Variants in SLC38A6 observed in about 807,000 individuals in gnomAD.
SLC38A6 encodes N system amino acid transporter NAT-1.
SLC38A6 carries 73 observed loss-of-function variants against 65.0 expected under a neutral mutation model. That is an observed-to-expected ratio of 1.12 (90% CI 0.93 to 1.37). The LOEUF (loss-of-function observed/expected upper bound fraction) is 1.37, where lower values mean the gene tolerates loss of function less well. SLC38A6 is among the 40% of genes most tolerant of loss of function. The pLI, the probability that SLC38A6 is intolerant of heterozygous loss-of-function variation, is 0.00. For synonymous variants in SLC38A6, 183 were observed against 178.8 expected, an observed-to-expected ratio of 1.02 and a Z score of -0.19; for missense variants, 561 against 531.1, an observed-to-expected ratio of 1.06 and a Z score of -0.55.
chr14:60,997,894 G>A (rs1443678148), intron 3 of SLC38A6, among the ~76,000 whole-genome samples: 1 of 152,084 alleles, frequency 6.6e-6, no homozygotes, highest in Non-Finnish European at 1.5e-5. Flanking sequence ...AATGAGTTCA[G>A]TTTTAGACTT....
intron 15 of SLC38A6, among the ~76,000 whole-genome samples, chr14:61,072,324 C>T (rs1053819129): frequency 2.0e-5 from 3 of 152,086 alleles, no homozygotes; most frequent in African/African-American, 4.8e-5. Context: ...GTGAAACAGT[C>T]ACACCATGGA....
intron 3 of SLC38A6, chr14:60,987,162 G>A: frequency 8.3e-6 from 2 of 240,452 alleles, no homozygotes; most frequent in Non-Finnish European, 8.1e-6. Flanking sequence ...GTGGAGGTAG[G>A]CTTTTCCTTT....
chr14:61,037,107 C>G lies in SLC38A6; in HGVS notation c.531C>G (p.Gly177=), dbSNP rs2041446665. 1 of 1,608,436 alleles carries G rather than the reference C, an allele frequency of 6.2e-7. No homozygotes were observed. Among genetic ancestry groups the G allele is most frequent in the African/African-American group, 1.3e-5 (1 of 74,762 alleles). ...CACTACTAATAATCATATGTGTTGG[C>G]ATTGTGTTCCCTCTTGCACTTCTTC... ...GQTLLIIICV[G]IVFPLALLPK... Residue 177 remains glycine, a synonymous_variant, in exon 7 of 16, where the codon GGC becomes GGG. Coordinates refer to ENST00000267488, the MANE Select transcript of SLC38A6 (RefSeq NM_153811.3).
chr14:61,079,872 A>T (rs759707374), intron 16 of SLC38A6, among the ~76,000 whole-genome samples: 7 of 152,136 alleles, frequency 4.6e-5, no homozygotes, highest in Non-Finnish European at 1.0e-4. Flanking sequence ...ATCCTGTGGG[A>T]TCCATGGAAT....
chr14:61,027,692 G>A (rs759903851), intron 5 of SLC38A6, among the ~76,000 whole-genome samples: 2 of 151,714 alleles, frequency 1.3e-5, no homozygotes, highest in Non-Finnish European at 2.9e-5. Flanking sequence ...TGTGTATTTG[G>A]TAATCTTTTT....
At chr14:61,027,427 C>T (rs2040669308) in intron 5 of SLC38A6, among the ~76,000 whole-genome samples, 1 of 151,980 alleles carries the variant, frequency 6.6e-6, no homozygotes, top group Non-Finnish European at 1.5e-5. Flanking sequence ...GTCCATGTCA[C>T]CCAAAATCAT....
intron 3 of SLC38A6, among the ~76,000 whole-genome samples, chr14:60,999,127 C>A (rs1055306794): frequency 6.6e-6 from 1 of 152,174 alleles, no homozygotes. Flanking sequence ...AGTCTCAGAT[C>A]CCAAGGAATT....
chr14:61,051,879 C>G lies in SLC38A6; in HGVS notation c.1143C>G (p.Ile381Met), dbSNP rs754662976. 1 of 1,611,940 alleles carries G rather than the reference C, an allele frequency of 6.2e-7. No individual in the cohort carries two copies. Among genetic ancestry groups the G allele is most frequent in the Non-Finnish European group, 8.5e-7 (1 of 1,179,194 alleles). ...FLITLALNII[I>M]VLLAIYVPDI... Reference sequence around the variant, plus strand: ...TCACTCTAGCACTCAATATTATCATCGTTTTACTTGCAATATATGTTCCTG... The same window carrying G: ...TCACTCTAGCACTCAATATTATCATGGTTTTACTTGCAATATATGTTCCTG... The change falls in exon 14 of 16, where the codon ATC becomes ATG. Residue 381 changes from isoleucine to methionine, a missense_variant. Physicochemically the swap from Ile to Met is conservative, Grantham distance 10. Transcript: ENST00000267488.
intron 3 of SLC38A6, among the ~76,000 whole-genome samples, chr14:61,010,487 G>T (rs993056046): frequency 6.6e-6 from 1 of 152,160 alleles, no homozygotes; most frequent in Non-Finnish European, 1.5e-5. Context: ...TATTGCCTAG[G>T]TTTTCTTCTA....
At chr14:61,069,130 G>A (rs1475398342) in intron 15 of SLC38A6, among the ~76,000 whole-genome samples, 4 of 152,216 alleles carry the variant, frequency 2.6e-5, no homozygotes, top group African/African-American at 4.8e-5. Context: ...TGAGGGTTAC[G>A]ACCCAGGCAT....
At chr14:61,014,666 C>T (rs185186292) in intron 3 of SLC38A6, among the ~76,000 whole-genome samples, 2 of 152,290 alleles carry the variant, frequency 1.3e-5, no homozygotes, top group Non-Finnish European at 2.9e-5. Flanking sequence ...CCCTTTTTGT[C>T]TGGGTATCAG....
chr14:61,050,628 C>T lies in SLC38A6; in HGVS notation c.1042C>T (p.His348Tyr). Residue 348 changes from histidine (H) to tyrosine (Y), a missense_variant, in exon 13 of 16, where the codon CAC becomes TAC. Transcript: ENST00000267488. ...TGTGCTTTTGACAGTCCCTCTAATC[C>T]ACTTCCCTGTAAGTACTCTTAAAGG... is the stretch of plus-strand genomic sequence containing the variant. The part of the protein sequence containing the change: ...FAVLLTVPLI[H>Y]FPARKAVTMM... 2 of 1,564,520 alleles carry T rather than the reference C, an allele frequency of 1.3e-6. No individual in the cohort carries two copies. Among genetic ancestry groups the T allele is most frequent in the Non-Finnish European group, 1.7e-6 (2 of 1,149,196 alleles).
chr14:60,991,866 C>T (rs2037913997), intron 3 of SLC38A6, among the ~76,000 whole-genome samples: 1 of 152,164 alleles, frequency 6.6e-6, no homozygotes, highest in Admixed American at 6.5e-5. Context: ...ACATCGCATC[C>T]GTGTTCTAGA....
chr14:61,034,942 C>T (rs1162815620), intron 6 of SLC38A6, among the ~76,000 whole-genome samples: 2 of 152,078 alleles, frequency 1.3e-5, no homozygotes, highest in Non-Finnish European at 2.9e-5. Context: ...TTGTCAGCAC[C>T]CAACAGTAAC....
chr14:60,986,733 TTAAC>T (rs1403844830), intron 3 of SLC38A6, among the ~76,000 whole-genome samples: 3 of 152,366 alleles, frequency 2.0e-5, no homozygotes, highest in African/African-American at 7.2e-5. Flanking sequence ...TTGTGATACT[TTAAC>T]ATCTTGGTAG....
At chr14:60,984,574 A>G (rs2037313563) in intron 2 of SLC38A6, among the ~76,000 whole-genome samples, 156 bp from the exon 3 acceptor site, 1 of 152,200 alleles carries the variant, frequency 6.6e-6, no homozygotes, top group East Asian at 1.9e-4. Context: ...AAAAAGTAGA[A>G]AAGTATCTTC....
intron 12 of SLC38A6, chr14:61,048,005 ACATACATAC>A: frequency 3.0e-6 from 1 of 336,168 alleles, no homozygotes; most frequent in South Asian, 2.4e-5. Flanking sequence ...ATACATACAT[ACATACATAC>A]ATACATACAT....
At chr14:60,999,286 G>C (rs760596504) in intron 3 of SLC38A6, among the ~76,000 whole-genome samples, 1 of 152,160 alleles carries the variant, frequency 6.6e-6, no homozygotes, top group Non-Finnish European at 1.5e-5. Context: ...CAAAGAAAAC[G>C]TAGTCTTCTG....
At position 61,071,692 on chromosome 14, in the gene SLC38A6, A is replaced by C. The variant is rs569650326; in HGVS notation, c.1291-7118A>C. On this transcript the variant is annotated intron_variant, in intron 15 of 16. Transcript: ENST00000354886. ...AGTAAAATCCTGTCTCAAAAAAAAA[A>C]AAAGGAAAAAAGAAGATATACTGAT... Among the ~76,000 whole-genome samples, 272 of 152,192 alleles carry C rather than the reference A, an allele frequency of 1.8e-3. 1 individual carries two copies. Among genetic ancestry groups the C allele is most frequent in the Non-Finnish European group, 3.0e-3 (207 of 68,008 alleles).
Sources: gnomAD v4.1 joint callset for allele counts (sites outside exome capture counted in the v4.1 genomes callset) on GRCh38, gnomAD v4.1.1 for gene constraint, MANE v1.5 for transcripts, NCBI Gene and HGNC (gene_info 2026-07-23, HGNC 2026-07-21) for gene names.